Variants in TNFAIP8L3 observed in about 807,000 individuals in gnomAD.
The protein encoded by TNFAIP8L3 is tumor necrosis factor alpha-induced protein 8-like protein 3.
In TNFAIP8L3, 7 loss-of-function variants were observed where a neutral mutation model predicts 11.8. The observed-to-expected ratio is 0.59, with a 90% CI of 0.34 to 1.11. The LOEUF (loss-of-function observed/expected upper bound fraction) is 1.11. Among genes scored for constraint, TNFAIP8L3 ranks in the 50% most tolerant of loss-of-function variants. The probability of loss-of-function intolerance (pLI) is 0.03; values close to 1 mark genes in which losing one functional copy is unlikely to be tolerated. For missense variants in TNFAIP8L3, 219 were observed against 258.6 expected (o/e 0.85, Z 1.05); for synonymous variants, 98 against 103.8 (o/e 0.94, Z 0.34).
intron 1 of TNFAIP8L3, among the ~76,000 whole-genome samples, chr15:51,083,800 G>T (rs1473339980): frequency 6.6e-6 from 1 of 152,226 alleles, no homozygotes; most frequent in African/African-American, 2.4e-5. Context: ...AGGGCAGAAG[G>T]CTGGATCACC....
chr15:51,091,807 C>T (rs1265548441), intron 1 of TNFAIP8L3, among the ~76,000 whole-genome samples: 3 of 151,892 alleles, frequency 2.0e-5, no homozygotes, highest in Non-Finnish European at 4.4e-5. Flanking sequence ...GTGATAATAA[C>T]AGCAGCAACA....
intron 1 of TNFAIP8L3, among the ~76,000 whole-genome samples, chr15:51,100,743 T>A (rs2065545059): frequency 6.6e-6 from 1 of 151,918 alleles, no homozygotes. Flanking sequence ...TATGAGAAAG[T>A]TTGAATGTCA....
intron 1 of TNFAIP8L3, among the ~76,000 whole-genome samples, chr15:51,100,717 T>G (rs2140986519): frequency 6.6e-6 from 1 of 151,962 alleles, no homozygotes. Context: ...ATGAAAGAGG[T>G]TTGGAAACCA....
At chr15:51,103,229 A>AAT (rs2065566452) in intron 1 of TNFAIP8L3, among the ~76,000 whole-genome samples, 1 of 152,226 alleles carries the variant, frequency 6.6e-6, no homozygotes, top group African/African-American at 2.4e-5. Context: ...TGGTTGCCAT[A>AAT]AGCCTTTGCT....
upstream of TNFAIP8L3, among the ~76,000 whole-genome samples, chr15:51,095,393 G>GGT (rs1161624097): frequency 1.3e-5 from 2 of 152,124 alleles, no homozygotes; most frequent in Non-Finnish European, 2.9e-5. Flanking sequence ...CACACAGGCA[G>GGT]GTAATGCTAA....
At position 51,094,772 on chromosome 15, in the gene TNFAIP8L3, G is replaced by GCCCGCGCCCCGCTCCCCGCGCCCGCCGC. The variant is rs199856074; in HGVS notation, c.-178_-177insGCGGCGGGCGCGGGGAGCGGGGCGCGGG. 1 of 903,314 alleles carries GCCCGCGCCCCGCTCCCCGCGCCCGCCGC rather than the reference G, an allele frequency of 1.1e-6. No individual in the cohort carries two copies. The highest frequency in any genetic ancestry group is 1.3e-6 in the Non-Finnish European group (1 of 758,438). 56.0% of individuals were successfully genotyped at this position (903,314 alleles called of 1,614,324 possible). Reference sequence around the variant, plus strand: ...GGGCGGCTCCGCAGAGGCGAGCGCCGCCGCGCCCCGCTCCCCGCGCCCGCC... The same window carrying GCCCGCGCCCCGCTCCCCGCGCCCGCCGC: ...GGGCGGCTCCGCAGAGGCGAGCGCCGCCCGCGCCCCGCTCCCCGCGCCCGCCGCCCGCGCCCCGCTCCCCGCGCCCGCC... On this transcript the variant is annotated 5_prime_UTR_variant, in exon 1 of 2. Coordinates refer to ENST00000637513, the MANE Select transcript of TNFAIP8L3 (RefSeq NM_001311175.2). The surrounding 1 kb of genome is among the most constrained non-coding windows in gnomAD (Gnocchi z 4.4).
At chr15:51,103,188 C>T (rs2065566152) in intron 1 of TNFAIP8L3, among the ~76,000 whole-genome samples, 1 of 152,218 alleles carries the variant, frequency 6.6e-6, no homozygotes, top group Non-Finnish European at 1.5e-5. Flanking sequence ...TTGAAGCTAT[C>T]AACCCTTCTA....
chr15:51,100,959 A>G (rs1679660432), intron 1 of TNFAIP8L3, among the ~76,000 whole-genome samples: 1 of 152,150 alleles, frequency 6.6e-6, no homozygotes, highest in Non-Finnish European at 1.5e-5. Flanking sequence ...TACAGGCTGC[A>G]TTTGCCGGGC....
chr15:51,076,534 A>G lies in TNFAIP8L3; in HGVS notation c.52+18010T>C, dbSNP rs142965953. ...ATGGTAACGTAAAGAAGTACCACCAAAAGGTTTCACTGTTTTCCAACCAAA... is the reference window on the plus strand; with the variant it reads ...ATGGTAACGTAAAGAAGTACCACCAGAAGGTTTCACTGTTTTCCAACCAAA... On this transcript the variant is annotated intron_variant, in intron 1 of 1. Coordinates refer to ENST00000637513, the MANE Select transcript of TNFAIP8L3 (RefSeq NM_001311175.2). 3.9e-5 allele frequency among the ~76,000 whole-genome samples: 6 copies of G among 152,330 alleles called. No individual in the cohort carries two copies. In the East Asian group the frequency reaches 1.2e-3, roughly 29 times the overall value.
At position 51,057,995 on chromosome 15, in the gene TNFAIP8L3, G is replaced by C; in HGVS notation, c.501C>G (p.His167Gln). 1.9e-6 allele frequency: 3 copies of C among 1,614,244 alleles called. No individual in the cohort carries two copies. The highest frequency in any genetic ancestry group is 2.5e-6 in the Non-Finnish European group (3 of 1,180,042). Residue 167 changes from histidine (H) to glutamine (Q), a missense_variant, in exon 2 of 2, where the codon CAC becomes CAG. By Grantham distance (24) the His-to-Gln change is conservative. Transcript: ENST00000637513. ...THGRINHVFN[H>Q]FADVEFLSTL... Reference sequence around the variant, plus strand: ...TGGAGAGGAACTCCACATCGGCAAAGTGGTTAAAGACGTGGTTGATGCGCC... The same window carrying C: ...TGGAGAGGAACTCCACATCGGCAAACTGGTTAAAGACGTGGTTGATGCGCC...
chr15:51,094,791 G>T lies in TNFAIP8L3; in HGVS notation c.-196C>A, dbSNP rs2065499968. Reference sequence around the variant, plus strand: ...AGCGCCGCCGCGCCCCGCTCCCCGCGCCCGCCGGCCGGTGCCTGCGCGCGA... The same window carrying T: ...AGCGCCGCCGCGCCCCGCTCCCCGCTCCCGCCGGCCGGTGCCTGCGCGCGA... On this transcript the variant is annotated 5_prime_UTR_variant, in exon 1 of 2. Coordinates refer to ENST00000637513, the MANE Select transcript of TNFAIP8L3 (RefSeq NM_001311175.2). This position sits in a 1 kb window ranked among gnomAD's most constrained non-coding sequence, Gnocchi z 4.4. The T allele has an allele frequency of 1.2e-6, 1 of 804,862 alleles. No homozygotes were observed. The allele number at this position is 804,862 out of a possible 1,614,324, so 49.9% of individuals were successfully genotyped here.
Position 51,058,232 on chromosome 15 carries a change from G to A in TNFAIP8L3, c.264C>T (p.Ile88=), listed in dbSNP as rs745796331. 13 of 1,614,070 alleles carry A rather than the reference G, an allele frequency of 8.1e-6. No individual in the cohort carries two copies. Among genetic ancestry groups the A allele is most frequent in the Admixed American group, 1.7e-5 (1 of 60,002 alleles). The change falls in exon 2 of 2, where the codon ATC becomes ATT. Residue 88 remains isoleucine, a synonymous_variant. Transcript: ENST00000637513. The part of the protein sequence containing the change: ...MKDLIKVAIK[I]GILYRNNQFS... Reference sequence around the variant, plus strand: ...ACTGGTTGTTCCGGTAGAGGATCCCGATTTTGATCGCCACCTTGATTAAGT... The same window carrying A: ...ACTGGTTGTTCCGGTAGAGGATCCCAATTTTGATCGCCACCTTGATTAAGT...
Position 51,078,610 on chromosome 15 carries a change from C to T in TNFAIP8L3, c.52+15934G>A, listed in dbSNP as rs536134953. Among the ~76,000 whole-genome samples, 5 of 152,092 alleles carry T rather than the reference C, an allele frequency of 3.3e-5. No homozygotes were observed. In the East Asian group the frequency reaches 9.8e-4, roughly 30 times the overall value. On this transcript the variant is annotated intron_variant, in intron 1 of 1. Transcript: ENST00000637513. Reference sequence around the variant, plus strand: ...GGACTGACCCCTGCCCCGCATGTTCCCCAGTCCAGGGGACTCTCCCATCCA... The same window carrying T: ...GGACTGACCCCTGCCCCGCATGTTCTCCAGTCCAGGGGACTCTCCCATCCA...
intron 1 of TNFAIP8L3, among the ~76,000 whole-genome samples, chr15:51,093,966 T>C (rs2065491143): frequency 1.3e-5 from 2 of 152,050 alleles, no homozygotes; most frequent in African/African-American, 4.8e-5. Context: ...CGGGGACCAG[T>C]CCGCGGGGAC....
intron 1 of TNFAIP8L3, among the ~76,000 whole-genome samples, chr15:51,061,803 T>C (rs1322937505): frequency 1.3e-5 from 2 of 152,162 alleles, no homozygotes; most frequent in African/African-American, 4.8e-5. Flanking sequence ...ATATAAAATA[T>C]CAAAATTTTG....
At chr15:51,071,997 T>C (rs1011245413) in intron 1 of TNFAIP8L3, among the ~76,000 whole-genome samples, 3 of 152,254 alleles carry the variant, frequency 2.0e-5, no homozygotes, top group Non-Finnish European at 4.4e-5. Context: ...ATTTACTCAT[T>C]TTTTCAGTTG....
upstream of TNFAIP8L3, among the ~76,000 whole-genome samples, chr15:51,099,824 G>T (rs1025562186): frequency 2.0e-5 from 3 of 152,322 alleles, no homozygotes; most frequent in East Asian, 3.9e-4. Flanking sequence ...GACCCATGAG[G>T]TTTCAGCGGC....
At chr15:51,104,217 C>G (rs2065573165) in intron 1 of TNFAIP8L3, among the ~76,000 whole-genome samples, 1 of 152,228 alleles carries the variant, frequency 6.6e-6, no homozygotes, top group South Asian at 2.1e-4. Flanking sequence ...TGATTTTACC[C>G]TTTCCTTTCC....
At chr15:51,095,051 G>A (rs28637301), upstream of TNFAIP8L3, among the ~76,000 whole-genome samples, 40,649 of 151,906 alleles carry the variant, frequency 0.27, 5,639 homozygotes, top group East Asian at 0.46. Context: ...CTAGGGTGAG[G>A]CCAAGTTTGT....
Sources: gnomAD v4.1 joint callset for allele counts (sites outside exome capture counted in the v4.1 genomes callset) on GRCh38, gnomAD v4.1.1 for gene constraint, Gnocchi (gnomAD v3.1) non-coding constraint, MANE v1.5 for transcripts, NCBI Gene and HGNC (gene_info 2026-07-23, HGNC 2026-07-21) for gene names.